Variants in GLG1 observed in about 807,000 individuals in gnomAD.
GLG1 encodes Golgi apparatus protein 1.
In GLG1, 38 loss-of-function variants were observed where a neutral mutation model predicts 160.5. The ratio of observed to expected loss-of-function variants is 0.24; its 90% confidence interval spans 0.18 to 0.31. GLG1 has a LOEUF of 0.31. Among genes scored for constraint, GLG1 ranks in the 10% least tolerant of loss-of-function variants. The pLI, the probability that GLG1 is intolerant of heterozygous loss-of-function variation, is 1.00. For synonymous variants in GLG1, 644 were observed against 543.4 expected (o/e 1.19, Z -2.57); for missense variants, 1,373 against 1,505.2 (o/e 0.91, Z 1.45).
intron 13 of GLG1, among the ~76,000 whole-genome samples, chr16:74,473,692 G>C (rs1410112405): frequency 6.6e-6 from 1 of 151,834 alleles, no homozygotes; most frequent in African/African-American, 2.4e-5. Context: ...CGCCCGCCTC[G>C]CCTCCCAAAG....
At chr16:74,578,724 T>G (rs1055800979) in intron 1 of GLG1, among the ~76,000 whole-genome samples, 1 of 152,196 alleles carries the variant, frequency 6.6e-6, no homozygotes, top group Non-Finnish European at 1.5e-5. Flanking sequence ...GAAGGCTGAA[T>G]GCACACACAA....
intron 1 of GLG1, among the ~76,000 whole-genome samples, chr16:74,605,871 T>C (rs932330480): frequency 2.0e-5 from 3 of 152,220 alleles, no homozygotes; most frequent in African/African-American, 4.8e-5. Flanking sequence ...TTGAGAATTG[T>C]CATTATGGTC....
Position 74,451,874 on chromosome 16 carries a change from A to C in GLG1, c.*1293T>G. The stretch of plus-strand genomic sequence containing the variant: ...TAAAGCCCATATTCTGCAAAGGTTG[A>C]TGAATCGCCAAAATACAACATTTAG... On this transcript the variant is annotated 3_prime_UTR_variant, in exon 26 of 26. Coordinates refer to ENST00000422840, the MANE Select transcript of GLG1 (RefSeq NM_001145667.2). The C allele has an allele frequency of 1.7e-6, 1 of 579,680 alleles. No individual in the cohort carries two copies. The highest frequency in any genetic ancestry group is 3.1e-6 in the Non-Finnish European group (1 of 320,366). The allele number at this position is 579,680 out of a possible 1,614,324, so 35.9% of individuals were successfully genotyped here. A position where few individuals can be genotyped will look rare whatever the true frequency, so the allele number is the denominator to read the frequency against.
At position 74,469,308 on chromosome 16, in the gene GLG1, G is replaced by A. The variant is rs2015113567; in HGVS notation, c.2319-245C>T. 5.5e-6 allele frequency: 3 copies of A among 548,898 alleles called. No individual in the cohort carries two copies. In the Admixed American group the frequency reaches 9.2e-5, roughly 17 times the overall value. 34.0% of individuals were successfully genotyped at this position (548,898 alleles called of 1,614,324 possible). A position where few individuals can be genotyped will look rare whatever the true frequency, so the allele number is the denominator to read the frequency against. On this transcript the variant is annotated intron_variant, in intron 16 of 25. Coordinates refer to ENST00000422840, the MANE Select transcript of GLG1 (RefSeq NM_001145667.2). The stretch of plus-strand genomic sequence containing the variant: ...CTGACAGAAGGGGAAGCCACACAGG[G>A]CACATGTGTGCAACGACAGTTCAAC...
At chr16:74,562,217 A>G (rs1225828897) in intron 1 of GLG1, among the ~76,000 whole-genome samples, 1 of 152,244 alleles carries the variant, frequency 6.6e-6, no homozygotes, top group African/African-American at 2.4e-5. Context: ...CAGACACAAC[A>G]GCTTTAGGTG....
In GLG1 at chr16:74,532,191, A is replaced by AT. The variant is rs766481781; in HGVS notation, c.439-39_439-38insA. The AT allele has an allele frequency of 2.4e-3, 1,521 of 632,590 alleles. 19 individuals carry two copies. The African/African-American group carries it at 0.061, about 25-fold the overall frequency. The allele number at this position is 632,590 out of a possible 1,614,324, so 39.2% of individuals were successfully genotyped here. A position where few individuals can be genotyped will look rare whatever the true frequency, so the allele number is the denominator to read the frequency against. On this transcript the variant is annotated intron_variant, in intron 1 of 25. Coordinates refer to ENST00000422840, the MANE Select transcript of GLG1 (RefSeq NM_001145667.2). ...AAAAAGAAGAGATGATGTAAAAAAA[A>AT]AAATATATATATATATATATAGAGA...
intron 25 of GLG1, among the ~76,000 whole-genome samples, chr16:74,456,206 C>T (rs147147028): frequency 1.0e-3 from 153 of 152,320 alleles, no homozygotes; most frequent in Non-Finnish European, 1.1e-3. Flanking sequence ...CACTTTTCAG[C>T]GGTGAACAGT....
intron 4 of GLG1, among the ~76,000 whole-genome samples, chr16:74,498,447 A>AAGTATATATATATATATAT (rs1491293119): frequency 2.4e-4 from 2 of 8,208 alleles, no homozygotes; most frequent in African/African-American, 4.2e-4. Flanking sequence ...AAAAAAAAAA[A>AAGTATATATATATATATAT]GTATATATAT....
At chr16:74,531,954 T>G (rs1447337330) in intron 2 of GLG1, among the ~76,000 whole-genome samples, 167 bp downstream of exon 2, 1 of 152,194 alleles carries the variant, frequency 6.6e-6, no homozygotes, top group Middle Eastern at 3.2e-3. Context: ...GCTTCTACAA[T>G]GAAGGGTTAT....
chr16:74,514,185 G>T (rs1053429873), intron 2 of GLG1, among the ~76,000 whole-genome samples: 1 of 152,162 alleles, frequency 6.6e-6, no homozygotes, highest in Non-Finnish European at 1.5e-5. Flanking sequence ...GAAAGTGACA[G>T]GGAGAATGGA....
rs546611688 is a variant in GLG1 at position 74,606,855 on chromosome 16, TTGC to T, written c.237_239del (p.Gln84del). The T allele has an allele frequency of 6.3e-6, 10 of 1,597,742 alleles. No individual in the cohort carries two copies. The highest frequency in any genetic ancestry group is 3.5e-5 in the Admixed American group (2 of 56,552). ...GCGGCGGCTGAGGCTGCTGTTGCTG[TTGC>T]TGCTGCTGCTGTTGCTGCTGAAGCT... On this transcript the variant is annotated inframe_deletion, in exon 1 of 26. Coordinates refer to ENST00000422840, the MANE Select transcript of GLG1 (RefSeq NM_001145667.2).
chr16:74,526,907 G>C (rs186167545), intron 2 of GLG1, among the ~76,000 whole-genome samples: 21 of 152,338 alleles, frequency 1.4e-4, no homozygotes, highest in African/African-American at 4.8e-4. Flanking sequence ...CTAGTGTTGA[G>C]TAAGTCGCTA....
Position 74,577,990 on chromosome 16 carries a change from G to C in GLG1, c.438+28667C>G, listed in dbSNP as rs140530644. Reference sequence around the variant, plus strand: ...GAGTTCAAGACCAGCCTGGACAGTAGAGAAAGACCTTGTCTCTCAAAAACA... The same window carrying C: ...GAGTTCAAGACCAGCCTGGACAGTACAGAAAGACCTTGTCTCTCAAAAACA... On this transcript the variant is annotated intron_variant, in intron 1 of 25. Coordinates refer to ENST00000422840, the MANE Select transcript of GLG1 (RefSeq NM_001145667.2). 2.0e-5 allele frequency among the ~76,000 whole-genome samples: 3 copies of C among 152,084 alleles called. No individual in the cohort carries two copies. In the East Asian group the frequency reaches 5.9e-4, roughly 30 times the overall value.
chr16:74,469,100 C>T, intron 16 of GLG1, 37 bp from the exon 17 acceptor site: 1 of 1,410,752 alleles, frequency 7.1e-7, no homozygotes, highest in Non-Finnish European at 1.0e-6. Flanking sequence ...GCTGGGGCCA[C>T]ACAAGGGCAG....
intron 2 of GLG1, among the ~76,000 whole-genome samples, chr16:74,513,785 C>T (rs770735171): frequency 3.4e-4 from 51 of 152,034 alleles, no homozygotes; most frequent in Non-Finnish European, 6.0e-4. Flanking sequence ...GGAAGGAGAA[C>T]GAATTTGACA....
At chr16:74,460,912 C>A (rs1251468198) in intron 22 of GLG1, among the ~76,000 whole-genome samples, 2 of 152,254 alleles carry the variant, frequency 1.3e-5, no homozygotes, top group African/African-American at 2.4e-5. Flanking sequence ...ACCAGACTCT[C>A]AACTTGAAAG....
intron 1 of GLG1, among the ~76,000 whole-genome samples, chr16:74,569,148 T>C (rs1412283919): frequency 6.6e-6 from 1 of 152,138 alleles, no homozygotes; most frequent in African/African-American, 2.4e-5. Context: ...AAGACAAGGG[T>C]GAATCAGAAG....
chr16:74,499,954 G>C (rs2016347396), intron 4 of GLG1, among the ~76,000 whole-genome samples: 2 of 152,174 alleles, frequency 1.3e-5, no homozygotes, highest in South Asian at 4.1e-4. Flanking sequence ...AGTGAGCCGA[G>C]ATTGTGCCAC....
intron 16 of GLG1, chr16:74,469,323 G>T (rs1169259677): frequency 2.6e-5 from 13 of 500,940 alleles, no homozygotes; most frequent in Non-Finnish European, 3.6e-5. Flanking sequence ...TGTGTGCAAC[G>T]ACAGTTCAAC....
Sources: gnomAD v4.1 joint callset for allele counts (sites outside exome capture counted in the v4.1 genomes callset) on GRCh38, gnomAD v4.1.1 for gene constraint, MANE v1.5 for transcripts, NCBI Gene and HGNC (gene_info 2026-07-23, HGNC 2026-07-21) for gene names.